Variants in PDE1C observed in about 807,000 individuals in gnomAD.
The protein encoded by PDE1C is phosphodiesterase 1C.
A neutral mutation model predicts 93.1 loss-of-function variants in PDE1C; 62 were observed. That is an observed-to-expected ratio of 0.67 (90% confidence interval 0.54 to 0.82). The LOEUF (loss-of-function observed/expected upper bound fraction) is 0.82, where lower values mean the gene tolerates loss of function less well. PDE1C is among the 40% of genes least tolerant of loss of function. The pLI is 0.00. For missense variants in PDE1C, 742 were observed against 884.6 expected (o/e 0.84, Z 2.04); for synonymous variants, 325 against 310.1 (o/e 1.05, Z -0.50).
At chr7:32,272,775 A>G (rs1173183227) in intron 1 of PDE1C, among the ~76,000 whole-genome samples, 1 of 152,206 alleles carries the variant, frequency 6.6e-6, no homozygotes, top group African/African-American at 2.4e-5. Context: ...GTTCTAGTCA[A>G]TGAGATTTGA....
At position 31,816,023 on chromosome 7, in the gene PDE1C, T is replaced by A. The variant is rs141465381; in HGVS notation, c.1714A>T (p.Thr572Ser). 186 of 1,614,046 alleles carry A rather than the reference T, an allele frequency of 1.2e-4. 1 individual carries two copies. In the African/African-American group the frequency reaches 1.9e-3, roughly 16 times the overall value. Residue 572 changes from threonine to serine, a missense_variant, in exon 15 of 18, where the codon ACT (threonine) becomes TCT (serine). Coordinates refer to ENST00000396191, the MANE Select transcript of PDE1C (RefSeq NM_001191057.4). ...CGTGTTCCATTGACTTGATTCTTAG[T>A]TTCTCCAGACGTCTTTTTCTCAGCT... ...GKAEKKTSGE[T>S]KNQVNGTRAN...
chr7:31,985,221 T>C (rs1400012351), intron 2 of PDE1C, among the ~76,000 whole-genome samples: 1 of 152,020 alleles, frequency 6.6e-6, no homozygotes, highest in African/African-American at 2.4e-5. Context: ...AGGGAAGGCA[T>C]GGAGTTTTCT....
At chr7:32,010,789 A>C (rs1336017082) in intron 2 of PDE1C, among the ~76,000 whole-genome samples, 3 of 152,106 alleles carry the variant, frequency 2.0e-5, no homozygotes, top group Non-Finnish European at 4.4e-5. Flanking sequence ...TCTTCACATC[A>C]GTCTTCCCTC....
intron 2 of PDE1C, among the ~76,000 whole-genome samples, chr7:32,189,386 A>G (rs572040014): frequency 5.6e-4 from 86 of 152,324 alleles, no homozygotes; most frequent in Non-Finnish European, 2.2e-4. Flanking sequence ...AAAATTTTCT[A>G]TAATTTATAC....
intron 2 of PDE1C, among the ~76,000 whole-genome samples, chr7:31,897,064 A>T (rs557269212): frequency 1.1e-4 from 16 of 152,150 alleles, no homozygotes; most frequent in African/African-American, 3.9e-4. Flanking sequence ...GTGCGCTTAG[A>T]CTCTCCACGA....
At chr7:32,404,284 T>C (rs1393070735) in intron 1 of PDE1C, among the ~76,000 whole-genome samples, 2 of 152,228 alleles carry the variant, frequency 1.3e-5, no homozygotes, top group African/African-American at 4.8e-5. Context: ...CATAAATGAA[T>C]GGAAGCTGTT....
chr7:31,874,380 G>A (rs911662058), intron 5 of PDE1C, among the ~76,000 whole-genome samples: 10 of 152,200 alleles, frequency 6.6e-5, no homozygotes, highest in Admixed American at 1.3e-4. Flanking sequence ...CTCACTTCCC[G>A]TGGTTAGGTG....
intron 1 of PDE1C, among the ~76,000 whole-genome samples, chr7:32,309,796 T>A (rs1209042867): frequency 1.3e-5 from 2 of 152,122 alleles, no homozygotes; most frequent in Non-Finnish European, 1.5e-5. Context: ...TGAAAAAACA[T>A]GCCAAAATGT....
intron 14 of PDE1C, 108 bp from the exon 15 acceptor site, chr7:31,816,262 G>C: frequency 1.0e-6 from 1 of 998,428 alleles, no homozygotes; most frequent in Non-Finnish European, 1.5e-6. Context: ...TGTTTACTGA[G>C]TGTTTGGGTA....
At chr7:31,622,319 ACAC>A in the PDE1C span, among the ~76,000 whole-genome samples, 131 of 152,150 alleles carry the variant, frequency 8.6e-4, no homozygotes, top group Non-Finnish European at 1.5e-3. Context: ...TTTCAGCACC[ACAC>A]CACACCTATT....
intron 2 of PDE1C, among the ~76,000 whole-genome samples, chr7:32,033,796 A>T (rs1220914312): frequency 6.6e-6 from 1 of 151,932 alleles, no homozygotes; most frequent in African/African-American, 2.4e-5. Flanking sequence ...AAACAAAAAC[A>T]GTACCCTGAT....
intron 2 of PDE1C, among the ~76,000 whole-genome samples, chr7:31,968,110 G>C (rs975942450): frequency 4.6e-5 from 7 of 152,098 alleles, no homozygotes; most frequent in African/African-American, 1.7e-4. Context: ...TCTGGCCAGG[G>C]CAATCAGGCA....
chr7:31,915,677 G>A (rs1801801978), intron 2 of PDE1C, among the ~76,000 whole-genome samples: 1 of 152,160 alleles, frequency 6.6e-6, no homozygotes, highest in Non-Finnish European at 1.5e-5. Context: ...AGAGGTTACT[G>A]TGATAATTTT....
At chr7:32,006,712 G>A (rs1321317172) in intron 2 of PDE1C, among the ~76,000 whole-genome samples, 1 of 152,232 alleles carries the variant, frequency 6.6e-6, no homozygotes, top group African/African-American at 2.4e-5. Flanking sequence ...GCTGGGTATG[G>A]AAGAAACGTG....
At chr7:31,935,553 A>ACATTCATTCAATTATT (rs1181290105) in intron 2 of PDE1C, among the ~76,000 whole-genome samples, 1 of 152,162 alleles carries the variant, frequency 6.6e-6, no homozygotes. Context: ...ATACAAGCGC[A>ACATTCATTCAATTATT]CATTCATTCA....
At chr7:32,014,103 TA>T (rs1231397634) in intron 2 of PDE1C, among the ~76,000 whole-genome samples, 1 of 152,210 alleles carries the variant, frequency 6.6e-6, no homozygotes, top group Non-Finnish European at 1.5e-5. Flanking sequence ...CTGGTCGGGA[TA>T]GCACCTTCAC....
At chr7:31,861,557 T>G (rs1194339779) in intron 7 of PDE1C, among the ~76,000 whole-genome samples, 1 of 151,254 alleles carries the variant, frequency 6.6e-6, no homozygotes, top group Non-Finnish European at 1.5e-5. Context: ...CCTCCAAAAC[T>G]TGGTTTGCCA....
chr7:32,358,720 A>G (rs1784077171), intron 1 of PDE1C, among the ~76,000 whole-genome samples: 2 of 152,168 alleles, frequency 1.3e-5, no homozygotes, highest in Non-Finnish European at 2.9e-5. Flanking sequence ...TATTGTTCCC[A>G]TTTTACAGGT....
chr7:31,786,817 C>T (rs1253743244), intron 16 of PDE1C: 1 of 152,038 alleles, frequency 6.6e-6, no homozygotes, highest in Non-Finnish European at 1.5e-5. Flanking sequence ...TCCTAGGCTC[C>T]ATGGGGAATG....
Sources: allele counts gnomAD v4.1 joint callset (sites outside exome capture counted in the v4.1 genomes callset), GRCh38; gene constraint gnomAD v4.1.1; transcripts MANE v1.5; gene names NCBI Gene and HGNC (gene_info 2026-07-23, HGNC 2026-07-21).